The following IGF2BP3 variants were observed in gnomAD, a reference collection of about 807,000 sequenced individuals.
The protein encoded by IGF2BP3 is insulin-like growth factor 2 mRNA-binding protein 3.
IGF2BP3 carries 9 observed loss-of-function variants against 73.8 expected under a neutral mutation model. That is an observed-to-expected ratio of 0.12 (90% CI 0.07 to 0.21). IGF2BP3 has a LOEUF of 0.21. Among genes scored for constraint, IGF2BP3 ranks in the 10% least tolerant of loss-of-function variants. IGF2BP3 has a pLI of 1.00. For missense variants in IGF2BP3, 542 were observed against 714.0 expected, an observed-to-expected ratio of 0.76 and a Z score of 2.75; for synonymous variants, 258 against 256.7, an observed-to-expected ratio of 1.01 and a Z score of -0.05.
chr7:23,380,151 A>G (rs1256303107), intron 3 of IGF2BP3, among the ~76,000 whole-genome samples: 1 of 141,592 alleles, frequency 7.1e-6, no homozygotes, highest in Admixed American at 7.3e-5. Context: ...ACTGCCCACT[A>G]TGCCTCTTTT....
At chr7:23,357,534 A>T (rs754821080) in intron 5 of IGF2BP3, among the ~76,000 whole-genome samples, 8 of 152,190 alleles carry the variant, frequency 5.3e-5, no homozygotes, top group Non-Finnish European at 1.0e-4. Flanking sequence ...ACACATGACA[A>T]ATCCTCTCAT....
chr7:23,384,525 C>T (rs1027915400), intron 3 of IGF2BP3, among the ~76,000 whole-genome samples: 1 of 152,136 alleles, frequency 6.6e-6, no homozygotes, highest in Non-Finnish European at 1.5e-5. Context: ...ACAACCCCAA[C>T]AAAAGATATA....
intron 2 of IGF2BP3, among the ~76,000 whole-genome samples, chr7:23,438,414 C>T (rs1443202307): frequency 6.6e-6 from 1 of 152,208 alleles, no homozygotes; most frequent in Non-Finnish European, 1.5e-5. Context: ...CAAGCCACTA[C>T]ACTGGGCCAC....
Position 23,466,024 on chromosome 7 carries a change from G to GTTT in IGF2BP3, c.236+2455_236+2457dup, listed in dbSNP as rs71552233. 5.7e-4 allele frequency among the ~76,000 whole-genome samples: 81 copies of GTTT among 142,556 alleles called. 1 individual carries two copies. The highest frequency in any genetic ancestry group is 9.9e-4 in the Admixed American group (14 of 14,156). 93.5% of individuals were successfully genotyped at this position (142,556 alleles called of 152,430 possible). A position where few individuals can be genotyped will look rare whatever the true frequency, so the allele number is the denominator to read the frequency against. On this transcript the variant is annotated intron_variant, in intron 2 of 14. Coordinates refer to ENST00000258729, the MANE Select transcript of IGF2BP3 (RefSeq NM_006547.3). ...AGATTTCCAGAGGCAGAGAAAAAAG[G>GTTT]TTTTTTTTTTTTTTTGAGGTAGAGT...
At chr7:23,409,737 A>C (rs1403824591) in intron 3 of IGF2BP3, among the ~76,000 whole-genome samples, 1 of 151,862 alleles carries the variant, frequency 6.6e-6, no homozygotes, top group East Asian at 1.9e-4. Flanking sequence ...AAATTAACTC[A>C]AAATGCACCA....
intron 3 of IGF2BP3, among the ~76,000 whole-genome samples, chr7:23,383,547 G>A (rs763379048): frequency 4.6e-5 from 7 of 152,144 alleles, no homozygotes; most frequent in Non-Finnish European, 1.0e-4. Flanking sequence ...GTAAAATGGT[G>A]CAGCCACTTT....
chr7:23,426,340 A>AAG (rs1554333975), intron 2 of IGF2BP3, among the ~76,000 whole-genome samples: 27 of 114,704 alleles, frequency 2.4e-4, no homozygotes, highest in Non-Finnish European at 4.1e-4. Context: ...AAAAAAAAAA[A>AAG]GGGGGGTGGG....
chr7:23,404,005 G>C (rs115725994), intron 3 of IGF2BP3, among the ~76,000 whole-genome samples: 1 of 151,552 alleles, frequency 6.6e-6, no homozygotes, highest in South Asian at 2.1e-4. Context: ...GGGGCACAGC[G>C]GTATGTGCCT....
chr7:23,432,640 T>G (rs1165830019), intron 2 of IGF2BP3, among the ~76,000 whole-genome samples: 2 of 144,772 alleles, frequency 1.4e-5, no homozygotes, highest in African/African-American at 5.0e-5. Flanking sequence ...ATTTTTTAAT[T>G]TTTTTTTTTT....
intron 9 of IGF2BP3, 88 bp downstream of exon 9, chr7:23,343,630 C>T (rs1023552052): frequency 2.6e-5 from 34 of 1,290,176 alleles, no homozygotes; most frequent in Non-Finnish European, 3.3e-5. Context: ...AGTGATAATG[C>T]CACAAAAGAA....
At chr7:23,351,195 G>T in intron 6 of IGF2BP3, 110 bp downstream of exon 6, 1 of 1,136,904 alleles carries the variant, frequency 8.8e-7, no homozygotes, top group Non-Finnish European at 1.3e-6. Flanking sequence ...ACTGTACAAG[G>T]AGTCCTCATG....
chr7:23,318,833 G>A (rs573176835), intron 11 of IGF2BP3, among the ~76,000 whole-genome samples: 2 of 152,292 alleles, frequency 1.3e-5, no homozygotes, highest in African/African-American at 4.8e-5. Context: ...ACTGAATGGT[G>A]TCAATCTGGA....
chr7:23,410,528 T>G (rs967635058), intron 3 of IGF2BP3, among the ~76,000 whole-genome samples: 4 of 152,118 alleles, frequency 2.6e-5, no homozygotes, highest in Non-Finnish European at 5.9e-5. Context: ...ATATACCGGT[T>G]GTAGAGAACT....
At chr7:23,450,030 G>A (rs1244412481) in intron 2 of IGF2BP3, among the ~76,000 whole-genome samples, 2 of 152,196 alleles carry the variant, frequency 1.3e-5, no homozygotes, top group African/African-American at 4.8e-5. Flanking sequence ...TGCACTGGTA[G>A]AGCAAAGGCA....
At chr7:23,320,816 C>T (rs535250168) in intron 10 of IGF2BP3, among the ~76,000 whole-genome samples, 78 of 151,434 alleles carry the variant, frequency 5.2e-4, no homozygotes, top group Admixed American at 1.4e-3. Flanking sequence ...GGCATGGTAG[C>T]GCTTGCCTGT....
At chr7:23,393,292 A>G (rs1170441301) in intron 3 of IGF2BP3, among the ~76,000 whole-genome samples, 1 of 152,210 alleles carries the variant, frequency 6.6e-6, no homozygotes. Flanking sequence ...CCTCCCATAC[A>G]TACCTTGTAA....
intron 3 of IGF2BP3, among the ~76,000 whole-genome samples, chr7:23,406,697 A>G (rs1451162902): frequency 1.3e-5 from 2 of 152,170 alleles, no homozygotes; most frequent in African/African-American, 4.8e-5. Flanking sequence ...TCAGGTGGCC[A>G]ACTTTTATTC....
rs1291589945 is a variant in IGF2BP3, at chr7:23,451,931, G to C, written c.236+16551C>G. On this transcript the variant is annotated intron_variant, in intron 2 of 14. Transcript: ENST00000258729. The stretch of plus-strand genomic sequence containing the variant: ...CCACTGCACTCCAGCCTGGGCGACA[G>C]AGCAAGATAAAAAAAAAAAAAAGGA... 4.5e-5 allele frequency among the ~76,000 whole-genome samples: 6 copies of C among 132,976 alleles called. No individual in the cohort carries two copies. In the South Asian group the frequency reaches 1.2e-3, roughly 26 times the overall value. The allele number at this position is 132,976 out of a possible 152,430, so 87.2% of individuals were successfully genotyped here. A position where few individuals can be genotyped will look rare whatever the true frequency, so the allele number is the denominator to read the frequency against.
chr7:23,430,184 A>G (rs1228388747), intron 2 of IGF2BP3, among the ~76,000 whole-genome samples: 1 of 151,866 alleles, frequency 6.6e-6, no homozygotes, highest in African/African-American at 2.4e-5. Context: ...CCCGGGTTCA[A>G]GCGATTCTCC....
Sources: allele counts gnomAD v4.1 joint callset (sites outside exome capture counted in the v4.1 genomes callset), GRCh38; gene constraint gnomAD v4.1.1; transcripts MANE v1.5; gene names NCBI Gene and HGNC (gene_info 2026-07-23, HGNC 2026-07-21).